Variants in CNTLN observed in about 807,000 individuals in gnomAD.
The protein encoded by CNTLN is centlein, also known as centlein, centrosomal protein.
A neutral mutation model predicts 180.0 loss-of-function variants in CNTLN; 212 were observed. The observed-to-expected ratio is 1.18, with a 90% confidence interval of 1.05 to 1.32. The LOEUF is 1.32. CNTLN is among the 40% of genes most tolerant of loss of function. CNTLN has a pLI of 0.00. For missense variants in CNTLN, 2,095 were observed against 1,610.9 expected (o/e 1.30, Z -5.14); for synonymous variants, 722 against 563.1 (o/e 1.28, Z -3.99).
chr9:17,377,176 C>T (rs1824843852), intron 13 of CNTLN, among the ~76,000 whole-genome samples: 1 of 152,180 alleles, frequency 6.6e-6, no homozygotes, highest in Admixed American at 6.6e-5. Context: ...ATTCAGTACT[C>T]ATCACATTTT....
chr9:17,466,855 CAATG>C lies in CNTLN; in HGVS notation c.3822_3825del (p.Asn1274LysfsTer3). ...GTGCACAGAAGACATTGCTGTTAGC[CAATG>C]AAAAAGTAGAAGAGTTCACCACATT... On this transcript the variant is annotated frameshift_variant, in exon 23 of 26. Transcript: ENST00000380647. LOFTEE classifies it high-confidence loss of function. The C allele has an allele frequency of 2.5e-6, 4 of 1,609,548 alleles. No homozygotes were observed. Among genetic ancestry groups the C allele is most frequent in the Non-Finnish European group, 8.5e-7 (1 of 1,177,178 alleles).
chr9:17,355,083 C>T (rs1822724364), intron 12 of CNTLN, among the ~76,000 whole-genome samples: 1 of 152,168 alleles, frequency 6.6e-6, no homozygotes, highest in Admixed American at 6.5e-5. Flanking sequence ...GGACAGACTC[C>T]AGACGCGCCA....
intron 2 of CNTLN, among the ~76,000 whole-genome samples, chr9:17,224,445 T>A (rs980541804): frequency 1.3e-5 from 2 of 152,066 alleles, no homozygotes; most frequent in Non-Finnish European, 2.9e-5. Context: ...TCCTGAAATA[T>A]TGCTTTATTT....
At position 17,245,266 on chromosome 9, in the gene CNTLN, C is replaced by G. The variant is rs149565871; in HGVS notation, c.849+8678C>G. Among the ~76,000 whole-genome samples the G allele has an allele frequency of 2.9e-3, 432 of 150,708 alleles. 2 individuals are homozygous for G. The highest frequency in any genetic ancestry group is 1.0e-2 in the African/African-American group (412 of 41,248). On this transcript the variant is annotated intron_variant, in intron 5 of 25. Coordinates refer to ENST00000380647, the MANE Select transcript of CNTLN (RefSeq NM_017738.4). ...TTGATGTAATCCAGCTTTTGTTTGT[C>G]TGGGAAAGTCTTTTGTTTGAAGGAT... is the stretch of plus-strand genomic sequence containing the variant.
At chr9:17,261,935 C>T (rs1258601563) in intron 5 of CNTLN, among the ~76,000 whole-genome samples, 1 of 151,450 alleles carries the variant, frequency 6.6e-6, no homozygotes, top group Non-Finnish European at 1.5e-5. Flanking sequence ...GACACTTCTC[C>T]TTCAAAAGTG....
At chr9:17,190,007 C>G (rs1337005778) in intron 2 of CNTLN, among the ~76,000 whole-genome samples, 2 of 151,726 alleles carry the variant, frequency 1.3e-5, no homozygotes, top group African/African-American at 2.4e-5. Flanking sequence ...AACTCTCTCT[C>G]TCAATGCAGC....
intron 3 of CNTLN, among the ~76,000 whole-genome samples, chr9:17,226,589 T>C (rs1159072573): frequency 6.6e-6 from 1 of 152,044 alleles, no homozygotes; most frequent in Non-Finnish European, 1.5e-5. Context: ...ATCATTTACT[T>C]CTGAAACTTG....
At chr9:17,516,575 G>A in the CNTLN span, among the ~76,000 whole-genome samples, 1 of 152,108 alleles carries the variant, frequency 6.6e-6, no homozygotes, top group Non-Finnish European at 1.5e-5. Flanking sequence ...AAACTCAACA[G>A]TCCCTATTTG....
intron 18 of CNTLN, among the ~76,000 whole-genome samples, chr9:17,434,118 A>G (rs1344284009): frequency 2.0e-5 from 3 of 152,264 alleles, no homozygotes; most frequent in Admixed American, 1.3e-4. Flanking sequence ...ATTTCTGATA[A>G]GAGGATTTGT....
At position 17,306,442 on chromosome 9, in the gene CNTLN, C is replaced by A. The variant is rs189680694; in HGVS notation, c.1147-2616C>A. On this transcript the variant is annotated intron_variant, in intron 7 of 25. Transcript: ENST00000380647. ...GGGATTACGGATGTGAGCCAACGTG[C>A]CTGACCAGTGCTCTATTTTATGAAG... Among the ~76,000 whole-genome samples, 3 of 152,258 alleles carry A rather than the reference C, an allele frequency of 2.0e-5. No individual in the cohort carries two copies. The East Asian group carries it at 5.8e-4, about 29-fold the overall frequency.
chr9:17,303,552 T>C (rs1009523616), intron 7 of CNTLN, among the ~76,000 whole-genome samples: 3 of 98,806 alleles, frequency 3.0e-5, no homozygotes, highest in African/African-American at 5.5e-5. Context: ...TTACTAACGC[T>C]TTTTTTTTCT....
At chr9:17,370,083 G>C (rs12553516) in intron 13 of CNTLN, among the ~76,000 whole-genome samples, 41,057 of 151,868 alleles carry the variant, frequency 0.27, 5,735 homozygotes, top group South Asian at 0.35. Context: ...AAGGGAAAAT[G>C]TAGGAGTTAT....
intron 12 of CNTLN, among the ~76,000 whole-genome samples, chr9:17,348,687 C>T (rs879919337): frequency 5.3e-5 from 8 of 151,992 alleles, no homozygotes; most frequent in Non-Finnish European, 7.4e-5. Flanking sequence ...TGCGTCACCA[C>T]GCGGGGCAAA....
chr9:17,170,944 G>C (rs1461222623), intron 2 of CNTLN, among the ~76,000 whole-genome samples: 8 of 152,178 alleles, frequency 5.3e-5, no homozygotes, highest in South Asian at 4.2e-4. Context: ...ACAGTAACAT[G>C]CTGTACAGGT....
the CNTLN span, among the ~76,000 whole-genome samples, chr9:17,521,362 T>C: frequency 6.7e-6 from 1 of 150,344 alleles, no homozygotes; most frequent in East Asian, 2.0e-4. Flanking sequence ...TAGGTGTAAG[T>C]AAGAAAAGAG....
chr9:17,470,778 A>G (rs937047337), intron 23 of CNTLN, among the ~76,000 whole-genome samples: 11 of 152,062 alleles, frequency 7.2e-5, no homozygotes, highest in African/African-American at 2.7e-4. Flanking sequence ...TTTGTTAGCT[A>G]TGAAATAAAT....
chr9:17,268,684 C>T (rs1009465781), intron 5 of CNTLN, among the ~76,000 whole-genome samples: 1 of 152,150 alleles, frequency 6.6e-6, no homozygotes, highest in Admixed American at 6.5e-5. Flanking sequence ...TGTGGTTGGG[C>T]TCCACCCAGT....
intron 12 of CNTLN, among the ~76,000 whole-genome samples, chr9:17,347,795 G>T (rs1822031561): frequency 6.6e-6 from 1 of 152,050 alleles, no homozygotes; most frequent in Admixed American, 6.5e-5. Flanking sequence ...TTAGTTTACA[G>T]TTGGGCAAAA....
At chr9:17,163,101 C>T (rs1226050533) in intron 2 of CNTLN, among the ~76,000 whole-genome samples, 1 of 152,124 alleles carries the variant, frequency 6.6e-6, no homozygotes, top group African/African-American at 2.4e-5. Flanking sequence ...GACAAAAGAG[C>T]ATGTACAGTG....
Sources: allele counts gnomAD v4.1 joint callset (sites outside exome capture counted in the v4.1 genomes callset), GRCh38; gene constraint gnomAD v4.1.1; transcripts MANE v1.5; gene names NCBI Gene and HGNC (gene_info 2026-07-23, HGNC 2026-07-21).